Variants in KMT2C observed in about 807,000 individuals in gnomAD.
The protein encoded by KMT2C is lysine methyltransferase 2C, also known as histone-lysine N-methyltransferase 2C.
In KMT2C, 88 loss-of-function variants were observed where a neutral mutation model predicts 507.9. The observed-to-expected ratio is 0.17, with a 90% CI of 0.15 to 0.21. KMT2C has a LOEUF of 0.21. KMT2C is among the 10% of genes least tolerant of loss of function. KMT2C has a pLI of 1.00. For synonymous variants in KMT2C, 2,049 were observed against 2,080.8 expected (o/e 0.98, Z 0.42); for missense variants, 4,954 against 5,957.8 (o/e 0.83, Z 5.55).
rs547240500 is a variant in KMT2C at position 152,317,832 on chromosome 7, C to A, written c.390-2494G>T. Among the ~76,000 whole-genome samples, 185 of 152,126 alleles carry A rather than the reference C, an allele frequency of 1.2e-3. 1 individual carries two copies. Among genetic ancestry groups the A allele is most frequent in the African/African-American group, 4.1e-3 (170 of 41,496 alleles). On this transcript the variant is annotated intron_variant, in intron 3 of 58. Transcript: ENST00000262189. Reference sequence around the variant, plus strand: ...ACCAGCCTGGGCAACATAGTGAGACCCTGCCTGTATTTTAAAAAGAAAAAG... The same window carrying A: ...ACCAGCCTGGGCAACATAGTGAGACACTGCCTGTATTTTAAAAAGAAAAAG...
At chr7:152,377,789 GA>G (rs1211107924) in intron 1 of KMT2C, among the ~76,000 whole-genome samples, 1 of 149,928 alleles carries the variant, frequency 6.7e-6, no homozygotes, top group Non-Finnish European at 1.5e-5. Flanking sequence ...AAAGTAAACT[GA>G]AAACCTTCTG....
chr7:152,157,973 A>G (rs2092181389), intron 44 of KMT2C: 10 of 1,233,808 alleles, frequency 8.1e-6, no homozygotes, highest in Non-Finnish European at 1.1e-5. Flanking sequence ...AAAGGAACTC[A>G]GTGTAGCTCA....
rs1490712999 is a variant in KMT2C at position 152,236,695 on chromosome 7, A to AT, written c.2653-763dup. Among the ~76,000 whole-genome samples the AT allele has an allele frequency of 1.1e-4, 17 of 152,234 alleles. No individual in the cohort carries two copies. The East Asian group carries it at 2.9e-3, about 26-fold the overall frequency. Reference sequence around the variant, plus strand: ...TAGAGGAAAATTTATCATTATTGTTATTACTTTTATTTTTGAGACAAGAAC... The same window carrying AT: ...TAGAGGAAAATTTATCATTATTGTTATTTACTTTTATTTTTGAGACAAGAAC... On this transcript the variant is annotated intron_variant, in intron 15 of 58. Coordinates refer to ENST00000262189, the MANE Select transcript of KMT2C (RefSeq NM_170606.3).
rs1186340444 is a variant in KMT2C at position 152,184,193 on chromosome 7, T to C, written c.5083-1037A>G. ...ATCACTTAAAAATTTAAAAATTCTGTCATTACCTAATTCAAGTCAAAATAA... is the reference window on the plus strand; with the variant it reads ...ATCACTTAAAAATTTAAAAATTCTGCCATTACCTAATTCAAGTCAAAATAA... On this transcript the variant is annotated intron_variant, in intron 34 of 58. Transcript: ENST00000262189. Among the ~76,000 whole-genome samples, 3 of 150,858 alleles carry C rather than the reference T, an allele frequency of 2.0e-5. No homozygotes were observed. In the East Asian group the frequency reaches 5.8e-4, roughly 29 times the overall value.
intron 6 of KMT2C, among the ~76,000 whole-genome samples, chr7:152,290,271 TATATATATATATATA>T: frequency 3.3e-5 from 1 of 30,012 alleles, no homozygotes; most frequent in Non-Finnish European, 6.3e-5. Flanking sequence ...TATATATATA[TATATATATATATATA>T]TATATATATT....
chr7:152,278,555 AC>A (rs1395937603), intron 6 of KMT2C, among the ~76,000 whole-genome samples: 3 of 152,280 alleles, frequency 2.0e-5, no homozygotes, highest in African/African-American at 4.8e-5. Context: ...GTTATCAATT[AC>A]CCAGCAACAG....
chr7:152,260,054 C>G (rs577431117), intron 9 of KMT2C, among the ~76,000 whole-genome samples: 18 of 152,150 alleles, frequency 1.2e-4, no homozygotes, highest in Non-Finnish European at 2.5e-4. Context: ...TTCATTAAAT[C>G]CAACATCCCT....
chr7:152,152,547 G>A (rs1051839320), intron 49 of KMT2C, among the ~76,000 whole-genome samples, 158 bp downstream of exon 49: 2 of 152,194 alleles, frequency 1.3e-5, no homozygotes, highest in Non-Finnish European at 2.9e-5. Context: ...CAAAATCACA[G>A]CACAGAAAAC....
intron 28 of KMT2C, 100 bp from the exon 29 acceptor site, chr7:152,194,668 A>C (rs1284556544): frequency 5.1e-6 from 4 of 787,196 alleles, no homozygotes; most frequent in Non-Finnish European, 7.8e-6. Flanking sequence ...CAATATGATT[A>C]AAATAGAGAA....
chr7:152,400,755 G>A (rs2097567452), intron 1 of KMT2C, among the ~76,000 whole-genome samples: 1 of 152,040 alleles, frequency 6.6e-6, no homozygotes, highest in South Asian at 2.1e-4. Context: ...AGTAACTCAA[G>A]AAATGATAAA....
At chr7:152,355,899 T>G (rs1272863934) in intron 2 of KMT2C, among the ~76,000 whole-genome samples, 1 of 152,072 alleles carries the variant, frequency 6.6e-6, no homozygotes, top group Non-Finnish European at 1.5e-5. Flanking sequence ...AGGCTATTTG[T>G]GTTGAAAGGG....
chr7:152,355,640 G>A (rs1367488665), intron 2 of KMT2C, among the ~76,000 whole-genome samples: 1 of 152,134 alleles, frequency 6.6e-6, no homozygotes, highest in Admixed American at 6.6e-5. Flanking sequence ...CCTGAGAGTG[G>A]TTAGCTGTGT....
At chr7:152,319,165 C>T (rs1340315792) in intron 3 of KMT2C, among the ~76,000 whole-genome samples, 2 of 152,126 alleles carry the variant, frequency 1.3e-5, no homozygotes, top group East Asian at 3.8e-4. Flanking sequence ...GGGCAGCAAG[C>T]CACCCAGGTG....
At chr7:152,253,650 C>T (rs2095599971) in intron 9 of KMT2C, among the ~76,000 whole-genome samples, 1 of 151,832 alleles carries the variant, frequency 6.6e-6, no homozygotes, top group Non-Finnish European at 1.5e-5. Context: ...GCTCACGCCA[C>T]TACACTCAAG....
At chr7:152,321,363 T>C (rs893428784) in intron 3 of KMT2C, among the ~76,000 whole-genome samples, 3 of 148,526 alleles carry the variant, frequency 2.0e-5, no homozygotes, top group Non-Finnish European at 3.0e-5. Flanking sequence ...ATAAAATTGA[T>C]ATAAAATATA....
At chr7:152,340,879 G>A (rs2096985204) in intron 2 of KMT2C, among the ~76,000 whole-genome samples, 1 of 152,098 alleles carries the variant, frequency 6.6e-6, no homozygotes, top group Non-Finnish European at 1.5e-5. Context: ...AATTGTTTAA[G>A]CAGGATAGAC....
At chr7:152,147,902 T>C (rs746943817) in intron 52 of KMT2C, 131 bp downstream of exon 52, 154 of 989,474 alleles carry the variant, frequency 1.6e-4, no homozygotes, top group Non-Finnish European at 2.1e-4. Context: ...ACATTGGCAT[T>C]TGTAAATGAA....
chr7:152,161,972 G>T, intron 43 of KMT2C, 145 bp downstream of exon 43: 1 of 869,142 alleles, frequency 1.2e-6, no homozygotes, highest in Non-Finnish European at 1.6e-6. Context: ...GGGTTCCAGA[G>T]AGGTAGAAAT....
At chr7:152,271,062 A>T (rs202109943) in intron 7 of KMT2C, among the ~76,000 whole-genome samples, 1 of 152,216 alleles carries the variant, frequency 6.6e-6, no homozygotes, top group African/African-American at 2.4e-5. Flanking sequence ...ATCCTTAGAT[A>T]GGAGGTAAAA....
Sources: gnomAD v4.1 joint callset for allele counts (sites outside exome capture counted in the v4.1 genomes callset) on GRCh38, gnomAD v4.1.1 for gene constraint, MANE v1.5 for transcripts, NCBI Gene and HGNC (gene_info 2026-07-23, HGNC 2026-07-21) for gene names.